ERICH1: variants seen among roughly 807,000 people sequenced by gnomAD.
ERICH1 encodes glutamate-rich protein 1.
ERICH1 carries 56 observed loss-of-function variants against 39.6 expected under a neutral mutation model. The observed-to-expected ratio is 1.41, with a 90% CI of 1.14 to 1.77. The LOEUF is 1.77. Ranked by LOEUF, ERICH1 falls within the 40% of genes most tolerant of loss-of-function variation. The pLI, the probability that ERICH1 is intolerant of heterozygous loss-of-function variation, is 0.00. For synonymous variants in ERICH1, 313 were observed against 223.6 expected, an observed-to-expected ratio of 1.40 and a Z score of -3.57; for missense variants, 826 against 575.4, an observed-to-expected ratio of 1.44 and a Z score of -4.45.
intron 3 of ERICH1, among the ~76,000 whole-genome samples, chr8:637,210 C>T (rs1299625187): frequency 6.6e-6 from 1 of 152,242 alleles, no homozygotes; most frequent in Non-Finnish European, 1.5e-5. Context: ...TGGCCACACT[C>T]ATTCTGTGAA....
At chr8:676,764 T>G (rs1208546363) in intron 3 of ERICH1, among the ~76,000 whole-genome samples, 1 of 152,192 alleles carries the variant, frequency 6.6e-6, no homozygotes, top group African/African-American at 2.4e-5. Flanking sequence ...CGAGCAGACC[T>G]AGAACTATAA....
chr8:636,166 C>A (rs1798419941), intron 3 of ERICH1, among the ~76,000 whole-genome samples: 1 of 152,208 alleles, frequency 6.6e-6, no homozygotes, highest in South Asian at 2.1e-4. Flanking sequence ...TCCCTGCGCC[C>A]CGGCCACCTC....
rs188926003 is a variant in ERICH1 at position 678,222 on chromosome 8, A to G, written c.305-4175T>C. Among the ~76,000 whole-genome samples, 103 of 152,252 alleles carry G rather than the reference A, an allele frequency of 6.8e-4. 2 individuals are homozygous for G. Among genetic ancestry groups the G allele is most frequent in the Admixed American group, 6.7e-3 (103 of 15,292 alleles). ...CAGTTACTCCTTGGGTGGTCTAAGT[A>G]TAGGCTGCTTTTTTCCTCCCAATTT... On this transcript the variant is annotated intron_variant, in intron 3 of 5. Transcript: ENST00000262109.
At chr8:617,992 CT>C (rs1797035024) in intron 3 of ERICH1, among the ~76,000 whole-genome samples, 1 of 147,522 alleles carries the variant, frequency 6.8e-6, no homozygotes, top group African/African-American at 2.5e-5. Flanking sequence ...CCTCACTGCC[CT>C]CTAAGTGGTC....
chr8:678,979 CCCCTCACAGCTTTGAT>C (rs1382300442), intron 3 of ERICH1, among the ~76,000 whole-genome samples: 1 of 152,030 alleles, frequency 6.6e-6, no homozygotes, highest in Non-Finnish European at 1.5e-5. Context: ...TCAGCTCCGA[CCCCTCACAGCTTTGAT>C]CCCTCACAGC....
chr8:684,768 A>T (rs1585281230), intron 3 of ERICH1, among the ~76,000 whole-genome samples: 1 of 152,334 alleles, frequency 6.6e-6, no homozygotes, highest in East Asian at 1.9e-4. Flanking sequence ...GGGAGACATC[A>T]CATGTCAGCA....
At chr8:692,822 A>G (rs1022386595) in intron 2 of ERICH1, among the ~76,000 whole-genome samples, 5 of 152,212 alleles carry the variant, frequency 3.3e-5, no homozygotes, top group African/African-American at 1.2e-4. Context: ...CCAGCCAAGA[A>G]AAAGGAACTG....
intron 2 of ERICH1, among the ~76,000 whole-genome samples, chr8:700,692 T>C (rs1427188467): frequency 2.2e-5 from 3 of 139,398 alleles, no homozygotes; most frequent in Non-Finnish European, 4.7e-5. Flanking sequence ...GCCTTGTGGC[T>C]GCTCGGAAAA....
intron 2 of ERICH1, among the ~76,000 whole-genome samples, chr8:695,203 C>T (rs915612021): frequency 2.6e-5 from 4 of 152,050 alleles, no homozygotes; most frequent in African/African-American, 4.8e-5. Context: ...CAGCCCCTGG[C>T]CCACTTCAGG....
At chr8:625,410 C>G (rs1170423120) in intron 3 of ERICH1, among the ~76,000 whole-genome samples, 1 of 152,140 alleles carries the variant, frequency 6.6e-6, no homozygotes, top group Non-Finnish European at 1.5e-5. Flanking sequence ...CAGGACACGT[C>G]CACAGAAGTG....
intron 3 of ERICH1, among the ~76,000 whole-genome samples, chr8:638,194 G>A (rs1798595975): frequency 6.6e-6 from 1 of 152,260 alleles, no homozygotes; most frequent in African/African-American, 2.4e-5. Context: ...CCTGGCCCTT[G>A]CCTTGGCGTT....
At chr8:632,207 C>A (rs1003188014) in intron 3 of ERICH1, among the ~76,000 whole-genome samples, 1 of 152,018 alleles carries the variant, frequency 6.6e-6, no homozygotes, top group Non-Finnish European at 1.5e-5. Context: ...TGATTTGTCC[C>A]GGGGTCTCAT....
At chr8:702,209 A>T (rs1585484190) in intron 2 of ERICH1, among the ~76,000 whole-genome samples, 1 of 152,170 alleles carries the variant, frequency 6.6e-6, no homozygotes, top group Non-Finnish European at 1.5e-5. Context: ...GCAGATGGCC[A>T]GGAGGCGTGA....
At chr8:660,598 A>T (rs1172394803), downstream of ERICH1, among the ~76,000 whole-genome samples, 3 of 152,158 alleles carry the variant, frequency 2.0e-5, no homozygotes, top group Non-Finnish European at 4.4e-5. Flanking sequence ...CGAGGCGGCA[A>T]ATGGTGTCGT....
In ERICH1 at chr8:731,178, G is replaced by C. The variant is rs1819922437; in HGVS notation, c.-17C>G. 1.3e-6 allele frequency: 2 copies of C among 1,500,956 alleles called. No homozygotes were observed. Among genetic ancestry groups the C allele is most frequent in the African/African-American group, 1.4e-5 (1 of 69,816 alleles). The allele number at this position is 1,500,956 out of a possible 1,614,324, so 93.0% of individuals were successfully genotyped here. On this transcript the variant is annotated 5_prime_UTR_variant, in exon 1 of 6. Transcript: ENST00000262109. ...CGCCGCCATGCGGGACCCTGCCGCG[G>C]ACCTCAGACCACGGCGCGCGGTCCT...
At chr8:664,111 G>C (rs1530903), downstream of ERICH1, 240,255 of 479,930 alleles carry the variant, frequency 0.5, 61,855 homozygotes, top group East Asian at 0.86. Context: ...CTGCTTCTAT[G>C]ACAGAAAAGA....
At chr8:705,319 C>A (rs1031946954) in intron 2 of ERICH1, among the ~76,000 whole-genome samples, 7 of 152,254 alleles carry the variant, frequency 4.6e-5, no homozygotes, top group African/African-American at 1.7e-4. Context: ...TCAACGGACA[C>A]TGCGCGATGG....
chr8:708,681 GTTTT>G (rs139731216), intron 2 of ERICH1, among the ~76,000 whole-genome samples: 23 of 65,772 alleles, frequency 3.5e-4, no homozygotes, highest in Non-Finnish European at 6.5e-4. Flanking sequence ...GGGATAATGA[GTTTT>G]TTTTTTTTTT....
intron 2 of ERICH1, among the ~76,000 whole-genome samples, chr8:699,966 C>T (rs1811481798): frequency 7.0e-6 from 1 of 142,258 alleles, no homozygotes; most frequent in African/African-American, 2.7e-5. Flanking sequence ...CCCGCACACG[C>T]GCACAGACCC....
Sources: allele counts gnomAD v4.1 joint callset (sites outside exome capture counted in the v4.1 genomes callset), GRCh38; gene constraint gnomAD v4.1.1; transcripts MANE v1.5; gene names NCBI Gene and HGNC (gene_info 2026-07-23, HGNC 2026-07-21).